The following CCDC69 variants were observed in gnomAD, a reference collection of about 807,000 sequenced individuals.
The protein encoded by CCDC69 is coiled-coil domain-containing protein 69.
CCDC69 carries 38 observed loss-of-function variants against 40.3 expected under a neutral mutation model. The ratio of observed to expected loss-of-function variants is 0.94; its 90% CI spans 0.73 to 1.24. CCDC69 has a LOEUF of 1.24. CCDC69 is among the 50% of genes most tolerant of loss of function. The pLI is 0.00. For missense variants in CCDC69, 389 were observed against 357.9 expected, an observed-to-expected ratio of 1.09 and a Z score of -0.70; for synonymous variants, 141 against 138.9, an observed-to-expected ratio of 1.02 and a Z score of -0.11.
In CCDC69 at chr5:151,223,952, T is replaced by A; in HGVS notation, c.19A>T (p.Arg7Trp). The A allele has an allele frequency of 6.3e-7, 1 of 1,575,388 alleles. No homozygotes were observed. The highest frequency in any genetic ancestry group is 1.1e-5 in the South Asian group (1 of 87,960). The change falls in exon 1 of 9, where the codon AGG (arginine) becomes TGG (tryptophan). Residue 7 changes from arginine (R) to tryptophan (W), a missense_variant. By Grantham distance (101) the Arg-to-Trp change is moderately radical. Coordinates refer to ENST00000355417, the MANE Select transcript of CCDC69 (RefSeq NM_015621.3). ...TTCGGGGGTTTGCAGCTGCTCAGCCTGCTGTGTCTGCAGCCCATCCTCCTC... is the reference window on the plus strand; with the variant it reads ...TTCGGGGGTTTGCAGCTGCTCAGCCAGCTGTGTCTGCAGCCCATCCTCCTC... Reference protein sequence around the residue: MGCRHSRLSSCKPPKKK... With the variant: MGCRHSWLSSCKPPKKK...
chr5:151,200,046 C>T (rs1582044373), intron 3 of CCDC69, among the ~76,000 whole-genome samples: 1 of 152,166 alleles, frequency 6.6e-6, no homozygotes, highest in African/African-American at 2.4e-5. Flanking sequence ...GTAATCTCCC[C>T]CAGCAAGTCG....
At chr5:151,212,589 G>C (rs780425115) in intron 1 of CCDC69, among the ~76,000 whole-genome samples, 1 of 152,188 alleles carries the variant, frequency 6.6e-6, no homozygotes. Context: ...ATGCTCTAGA[G>C]TATACTCTCA....
At chr5:151,205,660 C>A (rs910340590) in intron 1 of CCDC69, among the ~76,000 whole-genome samples, 185 bp from the exon 2 acceptor site, 7 of 152,214 alleles carry the variant, frequency 4.6e-5, no homozygotes, top group African/African-American at 1.7e-4. Flanking sequence ...GGGGGAGGGG[C>A]CCCAGAACAG....
chr5:151,188,534 G>A (rs1752559378), intron 4 of CCDC69, among the ~76,000 whole-genome samples: 1 of 151,814 alleles, frequency 6.6e-6, no homozygotes. Context: ...CAACCCGGGA[G>A]GCAGAAGTTG....
At chr5:151,198,404 A>G (rs1752731326) in intron 4 of CCDC69, among the ~76,000 whole-genome samples, 1 of 152,034 alleles carries the variant, frequency 6.6e-6, no homozygotes, top group African/African-American at 2.4e-5. Flanking sequence ...TAATAGTGAC[A>G]GCATCTTGCT....
At chr5:151,195,734 A>AC (rs906108289) in intron 4 of CCDC69, among the ~76,000 whole-genome samples, 2 of 150,328 alleles carry the variant, frequency 1.3e-5, no homozygotes, top group African/African-American at 4.9e-5. Context: ...AAAAAAAAAA[A>AC]AAAAACACGC....
In CCDC69 at chr5:151,182,540, C is replaced by T. The variant is rs1310339533; in HGVS notation, c.*897G>A. On this transcript the variant is annotated 3_prime_UTR_variant, in exon 9 of 9. Transcript: ENST00000355417. ...GAAAAACAGAGCAAAGGATAAGACC[C>T]GGATGACAGATGAGATCTAGATTCG... is the stretch of plus-strand genomic sequence containing the variant. 2.5e-5 allele frequency: 4 copies of T among 158,530 alleles called. No homozygotes were observed. Among genetic ancestry groups the T allele is most frequent in the East Asian group, 1.9e-4 (1 of 5,310 alleles). The allele number at this position is 158,530 out of a possible 1,614,324, so 9.8% of individuals were successfully genotyped here.
intron 1 of CCDC69, among the ~76,000 whole-genome samples, chr5:151,208,943 C>T (rs758501347): frequency 2.0e-5 from 3 of 152,228 alleles, no homozygotes; most frequent in African/African-American, 7.2e-5. Context: ...CTCCTCTCAA[C>T]AGCACTGTGA....
At chr5:151,218,531 A>G (rs147447335) in intron 1 of CCDC69, among the ~76,000 whole-genome samples, 7 of 152,198 alleles carry the variant, frequency 4.6e-5, no homozygotes. Flanking sequence ...GAATATGAAC[A>G]TTCATGAATT....
At chr5:151,213,577 C>T (rs181188855) in intron 1 of CCDC69, among the ~76,000 whole-genome samples, 1 of 152,284 alleles carries the variant, frequency 6.6e-6, no homozygotes, top group Non-Finnish European at 1.5e-5. Context: ...CTGAGCCTCA[C>T]CAGGCAAGAG....
chr5:151,218,726 G>T (rs1326358539), intron 1 of CCDC69, among the ~76,000 whole-genome samples: 1 of 151,982 alleles, frequency 6.6e-6, no homozygotes, highest in Non-Finnish European at 1.5e-5. Flanking sequence ...CCCTTTTTAT[G>T]ACAAAAAAGA....
At chr5:151,207,107 TG>T (rs1438840663) in intron 1 of CCDC69, among the ~76,000 whole-genome samples, 1 of 151,682 alleles carries the variant, frequency 6.6e-6, no homozygotes, top group Non-Finnish European at 1.5e-5. Flanking sequence ...TTAGTAGAGA[TG>T]GGGTTTCGCC....
chr5:151,221,574 A>G (rs1028335010), intron 1 of CCDC69, among the ~76,000 whole-genome samples: 2 of 152,252 alleles, frequency 1.3e-5, no homozygotes, highest in African/African-American at 2.4e-5. Context: ...TGGGGAGTGC[A>G]GAAAGCCAGG....
intron 7 of CCDC69, chr5:151,185,193 A>G: frequency 2.2e-6 from 1 of 457,652 alleles, no homozygotes; most frequent in Non-Finnish European, 4.0e-6. Flanking sequence ...CCCAAGCTAC[A>G]GCAACATCAG....
At chr5:151,201,736 G>A (rs2113993920) in intron 2 of CCDC69, 48 bp from the exon 3 acceptor site, 2 of 1,253,988 alleles carry the variant, frequency 1.6e-6, no homozygotes, top group Non-Finnish European at 2.3e-6. Context: ...CTCACAGAGT[G>A]GAAGTACAGT....
rs1419809803 is a variant in CCDC69 at position 151,183,476 on chromosome 5, G to T, written c.852C>A (p.Ala284=). ...AAGAGACCTCAGTGGGAGTGACAGGGGCCAGAGGGAAGGCAGGCGAGGCAT... is the reference window on the plus strand; with the variant it reads ...AAGAGACCTCAGTGGGAGTGACAGGTGCCAGAGGGAAGGCAGGCGAGGCAT... ...GANASPAFPL[A]PVTPTEVSFL... Residue 284 remains alanine, a synonymous_variant, in exon 9 of 9, where the codon GCC becomes GCA. Coordinates refer to ENST00000355417, the MANE Select transcript of CCDC69 (RefSeq NM_015621.3). 2 of 1,606,538 alleles carry T rather than the reference G, an allele frequency of 1.2e-6. No homozygotes were observed. The highest frequency in any genetic ancestry group is 3.3e-4 in the Middle Eastern group (2 of 6,052).
chr5:151,194,161 G>A (rs975077671), intron 4 of CCDC69, among the ~76,000 whole-genome samples: 1 of 152,190 alleles, frequency 6.6e-6, no homozygotes, highest in African/African-American at 2.4e-5. Context: ...TTCTCATAAA[G>A]CTAAACATAC....
chr5:151,215,742 C>T (rs1753029595), intron 1 of CCDC69: 1 of 304,578 alleles, frequency 3.3e-6, no homozygotes, highest in Non-Finnish European at 7.3e-6. Flanking sequence ...GCAGCATGCT[C>T]CTAATTCTAC....
chr5:151,196,320 C>T (rs1168040387), intron 4 of CCDC69, among the ~76,000 whole-genome samples: 1 of 152,028 alleles, frequency 6.6e-6, no homozygotes, highest in Non-Finnish European at 1.5e-5. Context: ...ACCACCACAC[C>T]AGACTAATTT....
Sources: allele counts gnomAD v4.1 joint callset (sites outside exome capture counted in the v4.1 genomes callset), GRCh38; gene constraint gnomAD v4.1.1; transcripts MANE v1.5; gene names NCBI Gene and HGNC (gene_info 2026-07-23, HGNC 2026-07-21).